CHD4: variants seen among roughly 807,000 people sequenced by gnomAD.
CHD4 encodes the protein chromodomain helicase DNA binding protein 4.
A neutral mutation model predicts 235.5 loss-of-function variants in CHD4; 35 were observed. The observed-to-expected ratio is 0.15, with a 90% CI of 0.11 to 0.20. The LOEUF is 0.20. Among genes scored for constraint, CHD4 ranks in the 10% least tolerant of loss-of-function variants. CHD4 has a pLI of 1.00. For missense variants in CHD4, 1,329 were observed against 2,432.3 expected (o/e 0.55, Z 9.54); for synonymous variants, 900 against 850.2 (o/e 1.06, Z -1.02).
At chr12:6,581,458 G>A in intron 31 of CHD4, 70 bp from the exon 32 acceptor site, 1 of 1,553,064 alleles carries the variant, frequency 6.4e-7, no homozygotes, top group Non-Finnish European at 8.9e-7. Context: ...TTTCTTCCCA[G>A]TTTGTCTCAT....
intron 17 of CHD4, 21 bp from the exon 18 acceptor site, chr12:6,592,838 A>G: frequency 1.2e-6 from 2 of 1,603,934 alleles, no homozygotes; most frequent in Non-Finnish European, 1.7e-6. Flanking sequence ...AGATGGAGAA[A>G]GGTGAAATCC....
At chr12:6,595,784 G>T (rs1237782749) in intron 13 of CHD4, among the ~76,000 whole-genome samples, 8 of 122,590 alleles carry the variant, frequency 6.5e-5, no homozygotes, top group African/African-American at 2.9e-4. Flanking sequence ...GCAAGACTTC[G>T]TCTCAAAAAA....
chr12:6,594,376 C>T, intron 15 of CHD4, 83 bp downstream of exon 15: 3 of 1,325,470 alleles, frequency 2.3e-6, no homozygotes, highest in Non-Finnish European at 2.1e-6. Flanking sequence ...TTTTTTTATT[C>T]CCTTATCTCT....
intron 37 of CHD4, among the ~76,000 whole-genome samples, chr12:6,576,222 T>C (rs1259447637): frequency 1.3e-5 from 2 of 152,118 alleles, no homozygotes; most frequent in Non-Finnish European, 2.9e-5. Flanking sequence ...CTGGGCGTGG[T>C]GGCACACGCC....
chr12:6,571,984 A>G (rs1431048094), intron 38 of CHD4: 1 of 151,818 alleles, frequency 6.6e-6, no homozygotes, highest in African/African-American at 2.4e-5. Flanking sequence ...AAAAAACCCA[A>G]AATTAGCCGG....
rs1201189026 is a variant in CHD4, at chr12:6,591,144, A to C, written c.3340+322T>G. The C allele has an allele frequency of 8.3e-5, 15 of 179,912 alleles. No homozygotes were observed. In the East Asian group the frequency reaches 2.1e-3, roughly 25 times the overall value. 11.1% of individuals were successfully genotyped at this position (179,912 alleles called of 1,614,324 possible). A position where few individuals can be genotyped will look rare whatever the true frequency, so the allele number is the denominator to read the frequency against. On this transcript the variant is annotated intron_variant, in intron 22 of 39. Coordinates refer to ENST00000544040, the MANE Select transcript of CHD4 (RefSeq NM_001273.5). ...TCTCAAAAAAAAAAAAAAAAAAAAA[A>C]AAAAAAACCTAGTAGCGTCTACTGA...
At chr12:6,606,599 C>A in intron 1 of CHD4, 148 bp from the exon 2 acceptor site, 1 of 418,594 alleles carries the variant, frequency 2.4e-6, no homozygotes, top group Admixed American at 4.5e-5. Context: ...CCACACTCCT[C>A]GGGGGCAGCC....
intron 19 of CHD4, 76 bp from the exon 20 acceptor site, chr12:6,592,133 G>A (rs946679533): frequency 6.4e-7 from 1 of 1,560,644 alleles, no homozygotes; most frequent in Non-Finnish European, 8.8e-7. Flanking sequence ...CAACAACTGA[G>A]ATCTTTCTTC....
intron 10 of CHD4, among the ~76,000 whole-genome samples, chr12:6,599,350 G>T (rs1221195699): frequency 6.6e-6 from 1 of 151,950 alleles, no homozygotes; most frequent in Non-Finnish European, 1.5e-5. Context: ...TGAGATAGGA[G>T]GATCACTTGA....
chr12:6,591,839 C>G lies in CHD4; in HGVS notation c.3091-14G>C. 6.2e-7 allele frequency: 1 copy of G among 1,613,442 alleles called. No individual in the cohort carries two copies. The highest frequency in any genetic ancestry group is 8.5e-7 in the Non-Finnish European group (1 of 1,179,810). ...CTTAGGAGCTTCCTGAGAACAAATG[C>G]AAAGAAAAAAGTATTAAAAGAAAGC... On this transcript the variant is annotated splice_polypyrimidine_tract_variant and intron_variant, in intron 20 of 39. Coordinates refer to ENST00000544040, the MANE Select transcript of CHD4 (RefSeq NM_001273.5).
At chr12:6,584,042 C>T (rs1262559724) in intron 25 of CHD4, 2 of 152,176 alleles carry the variant, frequency 1.3e-5, no homozygotes, top group Non-Finnish European at 2.9e-5. Flanking sequence ...ACAATCGGCC[C>T]TCTGTATCCA....
Position 6,586,071 on chromosome 12 carries a change from G to A in CHD4, c.3879+1313C>T, listed in dbSNP as rs775146780. ...GCTGTGATCGCACCACTGAACTCCAGCCTGGGCAACAGAGCAAGACTCCGT... is the reference window on the plus strand; with the variant it reads ...GCTGTGATCGCACCACTGAACTCCAACCTGGGCAACAGAGCAAGACTCCGT... On this transcript the variant is annotated intron_variant, in intron 25 of 39. Transcript: ENST00000544040. 4.9e-4 allele frequency among the ~76,000 whole-genome samples: 75 copies of A among 151,812 alleles called. 1 individual carries two copies. The highest frequency in any genetic ancestry group is 6.9e-4 in the Non-Finnish European group (47 of 67,950).
At chr12:6,595,480 G>A (rs1018726208) in intron 13 of CHD4, 50 bp from the exon 14 acceptor site, 5 of 1,538,514 alleles carry the variant, frequency 3.2e-6, no homozygotes, top group Admixed American at 1.7e-5. Flanking sequence ...TTCTATAGAA[G>A]AAACAACTTG....
At chr12:6,575,489 G>T (rs186912301) in intron 37 of CHD4, among the ~76,000 whole-genome samples, 1 of 148,276 alleles carries the variant, frequency 6.7e-6, no homozygotes, top group African/African-American at 2.5e-5. Context: ...AACCGTTTTT[G>T]GTTTGGGGGG....
At chr12:6,581,883 G>A in intron 30 of CHD4, 69 bp from the exon 31 acceptor site, 2 of 1,471,046 alleles carry the variant, frequency 1.4e-6, no homozygotes, top group Non-Finnish European at 1.8e-6. Flanking sequence ...TGGCCTTCCA[G>A]TCTCCGCCTC....
intron 19 of CHD4, 103 bp from the exon 20 acceptor site, chr12:6,592,160 G>C (rs1948411986): frequency 1.4e-6 from 2 of 1,443,818 alleles, no homozygotes; most frequent in African/African-American, 2.8e-5. Context: ...ATCCCACTTT[G>C]GAACTAAGGA....
At chr12:6,595,647 G>A (rs1231191748) in intron 13 of CHD4, among the ~76,000 whole-genome samples, 1 of 152,012 alleles carries the variant, frequency 6.6e-6, no homozygotes, top group Non-Finnish European at 1.5e-5. Flanking sequence ...AATTAGCTGG[G>A]CATGGTGGCA....
At chr12:6,591,122 C>CAAAA (rs35011913) in intron 22 of CHD4, 12 of 25,578 alleles carry the variant, frequency 4.7e-4, no homozygotes, top group Non-Finnish European at 7.3e-4. Flanking sequence ...GACTCCATCT[C>CAAAA]AAAAAAAAAA....
intron 10 of CHD4, 90 bp from the exon 11 acceptor site, chr12:6,598,515 C>T (rs1948537013): frequency 1.8e-6 from 2 of 1,137,956 alleles, no homozygotes; most frequent in Admixed American, 2.3e-5. Context: ...AAGGACGATT[C>T]AGATCTCATT....
Sources: gnomAD v4.1 joint callset for allele counts (sites outside exome capture counted in the v4.1 genomes callset) on GRCh38, gnomAD v4.1.1 for gene constraint, MANE v1.5 for transcripts, NCBI Gene and HGNC (gene_info 2026-07-23, HGNC 2026-07-21) for gene names.